Variants in ARHGAP42 observed in about 807,000 individuals in gnomAD.
ARHGAP42 encodes rho GTPase-activating protein 42.
ARHGAP42 carries 63 observed loss-of-function variants against 125.0 expected under a neutral mutation model. That is an observed-to-expected ratio of 0.50 (90% CI 0.41 to 0.62). The LOEUF (loss-of-function observed/expected upper bound fraction) is 0.62, where lower values mean the gene tolerates loss of function less well. Among genes scored for constraint, ARHGAP42 ranks in the 20% least tolerant of loss-of-function variants. The pLI is 0.00. For missense variants in ARHGAP42, 766 were observed against 1,024.2 expected (o/e 0.75, Z 3.44); for synonymous variants, 339 against 351.0 (o/e 0.97, Z 0.38).
chr11:100,794,432 A>C (rs1863658072), intron 2 of ARHGAP42, among the ~76,000 whole-genome samples: 3 of 152,212 alleles, frequency 2.0e-5, no homozygotes, highest in Non-Finnish European at 1.5e-5. Context: ...AGGCCTCTCA[A>C]CTTTAATACA....
In ARHGAP42 at chr11:100,830,330, G is replaced by A. The variant is rs2094082971; in HGVS notation, c.313-29224G>A. Reference sequence around the variant, plus strand: ...GTAGCAGTTTGGAAAAGGATACCATGCTACTTAAGATTCATATTGGCAACC... The same window carrying A: ...GTAGCAGTTTGGAAAAGGATACCATACTACTTAAGATTCATATTGGCAACC... On this transcript the variant is annotated intron_variant, in intron 3 of 23. Coordinates refer to ENST00000298815, the MANE Select transcript of ARHGAP42 (RefSeq NM_152432.4). 2.0e-5 allele frequency among the ~76,000 whole-genome samples: 3 copies of A among 152,170 alleles called. No individual in the cohort carries two copies. The South Asian group carries it at 6.2e-4, about 32-fold the overall frequency.
chr11:100,960,617 A>T (rs762855275), intron 13 of ARHGAP42, among the ~76,000 whole-genome samples: 1 of 152,176 alleles, frequency 6.6e-6, no homozygotes, highest in Non-Finnish European at 1.5e-5. Context: ...GAAATAGAAT[A>T]TGAGTAATAT....
At chr11:100,700,741 A>C (rs1226168931) in intron 1 of ARHGAP42, among the ~76,000 whole-genome samples, 1 of 152,218 alleles carries the variant, frequency 6.6e-6, no homozygotes, top group East Asian at 1.9e-4. Context: ...TTGCCATCAC[A>C]TCTGCACTTA....
intron 1 of ARHGAP42, among the ~76,000 whole-genome samples, chr11:100,741,873 A>G (rs61910505): frequency 0.24 from 35,991 of 152,140 alleles, 4,450 homozygotes; most frequent in Non-Finnish European, 0.26. Flanking sequence ...AGGGACTGCA[A>G]TGTGCAGTTC....
chr11:100,717,656 A>G (rs576559524), intron 1 of ARHGAP42, among the ~76,000 whole-genome samples: 1 of 150,154 alleles, frequency 6.7e-6, no homozygotes, highest in Non-Finnish European at 1.5e-5. Context: ...AAAAAAAAAA[A>G]AGATTCCATA....
At chr11:100,846,907 G>A (rs879101180) in intron 3 of ARHGAP42, among the ~76,000 whole-genome samples, 3 of 152,100 alleles carry the variant, frequency 2.0e-5, no homozygotes, top group Non-Finnish European at 4.4e-5. Context: ...TTTATAAGTC[G>A]TGTTACATGG....
intron 17 of ARHGAP42, among the ~76,000 whole-genome samples, chr11:100,972,746 GGGAAGACTAAATACAATAATATGTA>G (rs1858283242): frequency 6.6e-6 from 1 of 152,134 alleles, no homozygotes; most frequent in South Asian, 2.1e-4. Context: ...CTGACTTACT[GGGAAGACTAAATACAATAATATGTA>G]GGAAAATTCC....
At chr11:100,714,564 C>T (rs961354373) in intron 1 of ARHGAP42, among the ~76,000 whole-genome samples, 1 of 152,140 alleles carries the variant, frequency 6.6e-6, no homozygotes. Context: ...TTGTTGAGCA[C>T]ATGTGACAGC....
chr11:100,838,230 T>C (rs544975198), intron 3 of ARHGAP42, among the ~76,000 whole-genome samples: 1 of 152,188 alleles, frequency 6.6e-6, no homozygotes, highest in South Asian at 2.1e-4. Flanking sequence ...GTGTTGCTTT[T>C]TCTCATTACT....
chr11:100,977,284 C>T (rs7931273), intron 21 of ARHGAP42, among the ~76,000 whole-genome samples: 36,298 of 152,028 alleles, frequency 0.24, 4,861 homozygotes, highest in Middle Eastern at 0.36. Flanking sequence ...AAAAGTGTTC[C>T]CATTAAAAGC....
chr11:100,858,585 A>G (rs1050404806), intron 3 of ARHGAP42, among the ~76,000 whole-genome samples: 3 of 152,142 alleles, frequency 2.0e-5, no homozygotes, highest in Non-Finnish European at 2.9e-5. Flanking sequence ...AAATGCACAT[A>G]TTTTGATATA....
intron 6 of ARHGAP42, among the ~76,000 whole-genome samples, chr11:100,922,182 C>T (rs182548542): frequency 1.3e-3 from 202 of 152,274 alleles, no homozygotes; most frequent in Non-Finnish European, 2.3e-3. Context: ...AATGTTTAGA[C>T]GGAGAGGGAA....
chr11:100,940,842 TCA>T (rs1007249925), intron 8 of ARHGAP42, among the ~76,000 whole-genome samples: 5 of 32,986 alleles, frequency 1.5e-4, no homozygotes, highest in African/African-American at 6.1e-4. Context: ...GATTAAGAAC[TCA>T]TATTCTAGTC....
At chr11:100,780,827 G>T (rs577928803) in intron 2 of ARHGAP42, among the ~76,000 whole-genome samples, 1 of 152,296 alleles carries the variant, frequency 6.6e-6, no homozygotes, top group South Asian at 2.1e-4. Flanking sequence ...CCAAAGACGT[G>T]AAGTCACAAT....
intron 10 of ARHGAP42, among the ~76,000 whole-genome samples, chr11:100,944,565 T>C (rs905619927): frequency 6.6e-5 from 10 of 151,980 alleles, no homozygotes; most frequent in Non-Finnish European, 1.0e-4. Flanking sequence ...CTACAGCCTA[T>C]AGCTACAGGC....
intron 3 of ARHGAP42, among the ~76,000 whole-genome samples, chr11:100,855,312 G>T (rs967870984): frequency 3.9e-5 from 6 of 152,088 alleles, no homozygotes; most frequent in African/African-American, 1.4e-4. Context: ...GGGACATATA[G>T]TCATTAATTA....
intron 12 of ARHGAP42, among the ~76,000 whole-genome samples, chr11:100,950,235 A>G (rs922220839): frequency 3.4e-5 from 5 of 147,456 alleles, no homozygotes; most frequent in Non-Finnish European, 4.5e-5. Flanking sequence ...TAGCTCAATT[A>G]TTTATATAAA....
chr11:100,753,682 T>A (rs958599589), intron 1 of ARHGAP42, among the ~76,000 whole-genome samples: 3 of 152,238 alleles, frequency 2.0e-5, no homozygotes, highest in African/African-American at 7.2e-5. Context: ...AGACTGGAAG[T>A]GCGTGCAAGG....
intron 17 of ARHGAP42, among the ~76,000 whole-genome samples, chr11:100,968,384 T>G (rs780330162): frequency 6.6e-6 from 1 of 152,188 alleles, no homozygotes; most frequent in Non-Finnish European, 1.5e-5. Context: ...AGTTCCAATT[T>G]TACTGCTTTC....
Sources: allele counts gnomAD v4.1 joint callset (sites outside exome capture counted in the v4.1 genomes callset), GRCh38; gene constraint gnomAD v4.1.1; transcripts MANE v1.5; gene names NCBI Gene and HGNC (gene_info 2026-07-23, HGNC 2026-07-21).